RUNDC3B: variants seen among roughly 807,000 people sequenced by gnomAD.
RUNDC3B encodes RUN domain-containing protein 3B.
A neutral mutation model predicts 58.4 loss-of-function variants in RUNDC3B; 33 were observed. The ratio of observed to expected loss-of-function variants is 0.56; its 90% CI spans 0.43 to 0.75. RUNDC3B has a LOEUF of 0.75. Ranked by LOEUF, RUNDC3B falls within the 30% of genes least tolerant of loss-of-function variation. RUNDC3B has a pLI of 0.00. For synonymous variants in RUNDC3B, 193 were observed against 195.2 expected (o/e 0.99, Z 0.10); for missense variants, 501 against 535.7 (o/e 0.94, Z 0.64).
chr7:87,824,988 A>T (rs1460419630), intron 10 of RUNDC3B, among the ~76,000 whole-genome samples: 2 of 152,096 alleles, frequency 1.3e-5, no homozygotes, highest in Admixed American at 6.6e-5. Flanking sequence ...AAGTTCAGAA[A>T]ATTTGCAGCC....
intron 8 of RUNDC3B, among the ~76,000 whole-genome samples, chr7:87,797,428 A>C (rs1388869320): frequency 6.6e-6 from 1 of 152,176 alleles, no homozygotes; most frequent in Non-Finnish European, 1.5e-5. Flanking sequence ...ACATTGTATC[A>C]TATTTGAAGC....
At chr7:87,661,794 T>G (rs1325732464) in intron 2 of RUNDC3B, among the ~76,000 whole-genome samples, 1 of 151,916 alleles carries the variant, frequency 6.6e-6, no homozygotes, top group Non-Finnish European at 1.5e-5. Flanking sequence ...GATCATATGG[T>G]AGTTTAATTT....
chr7:87,747,613 G>A (rs889377891), intron 6 of RUNDC3B, among the ~76,000 whole-genome samples: 1 of 152,102 alleles, frequency 6.6e-6, no homozygotes, highest in East Asian at 1.9e-4. Flanking sequence ...TGGGGGCAGG[G>A]CTAGGCGTGT....
intron 9 of RUNDC3B, among the ~76,000 whole-genome samples, chr7:87,809,917 T>C (rs1249833278): frequency 6.6e-6 from 1 of 152,180 alleles, no homozygotes; most frequent in Non-Finnish European, 1.5e-5. Context: ...GACCAATACC[T>C]TAAGTAAGTT....
chr7:87,724,034 C>T (rs1425106382), intron 4 of RUNDC3B, among the ~76,000 whole-genome samples: 3 of 152,046 alleles, frequency 2.0e-5, no homozygotes, highest in Non-Finnish European at 4.4e-5. Flanking sequence ...CCAGCCTGGG[C>T]AACATAGTGG....
In RUNDC3B at chr7:87,696,371, C is replaced by T. The variant is rs554700434; in HGVS notation, c.239-4050C>T. On this transcript the variant is annotated intron_variant, in intron 2 of 10. Coordinates refer to ENST00000394654, the MANE Select transcript of RUNDC3B (RefSeq NM_001134405.2). ...CTTGTAACTTTGTTTTTAAATTTTC[C>T]TGTTAAATACAGGTTATAGACTTTT... Among the ~76,000 whole-genome samples, 5 of 152,074 alleles carry T rather than the reference C, an allele frequency of 3.3e-5. No individual in the cohort carries two copies. In the East Asian group the frequency reaches 9.7e-4, roughly 29 times the overall value.
At position 87,815,393 on chromosome 7, in the gene RUNDC3B, G is replaced by C. The variant is rs187714573; in HGVS notation, c.1104-748G>C. On this transcript the variant is annotated intron_variant, in intron 9 of 10. Coordinates refer to ENST00000394654, the MANE Select transcript of RUNDC3B (RefSeq NM_001134405.2). ...TATATGGAAATAATAATTTTGTCCT[G>C]TTATGTAAAATGTAACACCAAAGCT... Among the ~76,000 whole-genome samples, 731 of 152,106 alleles carry C rather than the reference G, an allele frequency of 4.8e-3. 2 individuals are homozygous for C. Among genetic ancestry groups the C allele is most frequent in the Non-Finnish European group, 8.1e-3 (549 of 67,938 alleles).
At chr7:87,818,846 AC>A (rs1837231246) in intron 10 of RUNDC3B, among the ~76,000 whole-genome samples, 2 of 152,228 alleles carry the variant, frequency 1.3e-5, no homozygotes, top group Non-Finnish European at 2.9e-5. Flanking sequence ...CTGGTAAAGT[AC>A]ATGTGGGATG....
chr7:87,731,272 A>C (rs1250909555), intron 4 of RUNDC3B, among the ~76,000 whole-genome samples: 3 of 152,230 alleles, frequency 2.0e-5, no homozygotes, highest in Non-Finnish European at 2.9e-5. Flanking sequence ...AGACAGACAG[A>C]GATATACACA....
chr7:87,742,364 C>T (rs1039391689), intron 6 of RUNDC3B, among the ~76,000 whole-genome samples: 1 of 152,150 alleles, frequency 6.6e-6, no homozygotes, highest in Non-Finnish European at 1.5e-5. Context: ...CCCTCCCACT[C>T]TTCCCCACAA....
At chr7:87,725,355 C>G (rs1237691198) in intron 4 of RUNDC3B, among the ~76,000 whole-genome samples, 1 of 152,138 alleles carries the variant, frequency 6.6e-6, no homozygotes, top group Non-Finnish European at 1.5e-5. Flanking sequence ...GTTTTATGTT[C>G]TTGTGATAGT....
At chr7:87,820,381 T>C (rs1405579383) in intron 10 of RUNDC3B, among the ~76,000 whole-genome samples, 1 of 152,136 alleles carries the variant, frequency 6.6e-6, no homozygotes, top group African/African-American at 2.4e-5. Flanking sequence ...GGATCTGAAA[T>C]TGTGACAATA....
intron 2 of RUNDC3B, among the ~76,000 whole-genome samples, chr7:87,662,699 T>A (rs1390906627): frequency 1.3e-5 from 2 of 152,112 alleles, no homozygotes; most frequent in African/African-American, 4.8e-5. Flanking sequence ...TTCCTCCAGT[T>A]TTGTTTCTTT....
rs369064808 is a variant in RUNDC3B at position 87,823,235 on chromosome 7, T to C, written c.1226-6650T>C. ...TGATTTATGTCCATTTCTATAACTA[T>C]CTGTAATATTTTTTCCACAAGCCTG... On this transcript the variant is annotated intron_variant, in intron 10 of 10. Coordinates refer to ENST00000394654, the MANE Select transcript of RUNDC3B (RefSeq NM_001134405.2). 1.4e-4 allele frequency among the ~76,000 whole-genome samples: 22 copies of C among 152,088 alleles called. No individual in the cohort carries two copies. The East Asian group carries it at 3.5e-3, about 24-fold the overall frequency.
intron 8 of RUNDC3B, among the ~76,000 whole-genome samples, chr7:87,796,511 C>T (rs1450276548): frequency 6.6e-6 from 1 of 152,148 alleles, no homozygotes; most frequent in Non-Finnish European, 1.5e-5. Context: ...TGGCCCTACT[C>T]TTCATGATGT....
intron 3 of RUNDC3B, chr7:87,709,407 C>G (rs1829874733): frequency 1.0e-6 from 1 of 985,348 alleles, no homozygotes; most frequent in Non-Finnish European, 1.2e-6. Flanking sequence ...CTCTTCCTTC[C>G]TCTGTTCCAA....
chr7:87,638,881 G>C (rs986236928), intron 1 of RUNDC3B, among the ~76,000 whole-genome samples: 5 of 152,210 alleles, frequency 3.3e-5, no homozygotes, highest in African/African-American at 1.2e-4. Flanking sequence ...GGCTGGGCAT[G>C]GTGGCTCACA....
chr7:87,666,206 T>C (rs1016500059), intron 2 of RUNDC3B, among the ~76,000 whole-genome samples: 13 of 152,166 alleles, frequency 8.5e-5, no homozygotes, highest in Non-Finnish European at 1.2e-4. Flanking sequence ...TGGTATCTCA[T>C]TGTGGTTTTG....
intron 2 of RUNDC3B, among the ~76,000 whole-genome samples, chr7:87,666,340 G>A: frequency 6.6e-6 from 1 of 151,928 alleles, no homozygotes; most frequent in Non-Finnish European, 1.5e-5. Flanking sequence ...GGAGTGGTTT[G>A]TTTTTTCCTT....
Sources: gnomAD v4.1 joint callset for allele counts (sites outside exome capture counted in the v4.1 genomes callset) on GRCh38, gnomAD v4.1.1 for gene constraint, MANE v1.5 for transcripts, NCBI Gene and HGNC (gene_info 2026-07-23, HGNC 2026-07-21) for gene names.